TRADD: variants seen among roughly 807,000 people sequenced by gnomAD.
TRADD encodes the protein TNFRSF1A associated via death domain.
A neutral mutation model predicts 31.5 loss-of-function variants in TRADD; 14 were observed. The ratio of observed to expected loss-of-function variants is 0.44; its 90% CI spans 0.29 to 0.69. TRADD has a LOEUF of 0.69. Among genes scored for constraint, TRADD ranks in the 30% least tolerant of loss-of-function variants. The probability of loss-of-function intolerance (pLI) is 0.11; values close to 1 mark genes in which losing one functional copy is unlikely to be tolerated. For synonymous variants in TRADD, 220 were observed against 215.8 expected (o/e 1.02, Z -0.17); for missense variants, 388 against 435.7 (o/e 0.89, Z 0.97).
Position 67,155,608 on chromosome 16 carries a change from G to C in TRADD, c.198C>G (p.Arg66=). Residue 66 remains arginine (R), a synonymous_variant, in exon 3 of 5, where the codon CGC becomes CGG. Transcript: ENST00000345057. ...PDVLQMLKIH[R]SDPQLIVQLR... is the part of the protein sequence containing the mutation. ...GCTGCACGATCAGCTGCGGGTCGCT[G>C]CGGTGGATCTTCAGCATCTGCAGCA... is the stretch of plus-strand genomic sequence containing the variant. 2.6e-6 allele frequency: 4 copies of C among 1,556,336 alleles called. No homozygotes were observed. Among genetic ancestry groups the C allele is most frequent in the Non-Finnish European group, 3.5e-6 (4 of 1,157,988 alleles).
intron 1 of TRADD, among the ~76,000 whole-genome samples, chr16:67,158,913 G>A (rs1271397493): frequency 6.6e-6 from 1 of 152,148 alleles, no homozygotes; most frequent in Non-Finnish European, 1.5e-5. Context: ...CCCACCCCAA[G>A]GGGTGGAAGT....
Position 67,154,855 on chromosome 16 carries a change from G to A in TRADD, c.733C>T (p.Arg245Trp), listed in dbSNP as rs1397999382. ...GCCAGCGAGTCCAGCGCCGGGTCCC[G>A]CAGCGCCCGGCAGCCTCGCTGCAGT... ...RSLQRGCRAL[R>W]DPALDSLAYE... The change falls in exon 5 of 5, where the codon CGG becomes TGG. Residue 245 changes from arginine to tryptophan, a missense_variant. Coordinates refer to ENST00000345057, the MANE Select transcript of TRADD (RefSeq NM_003789.4). The surrounding 1 kb of genome is among the most constrained non-coding windows in gnomAD (Gnocchi z 5.2). 1 of 1,594,442 alleles carries A rather than the reference G, an allele frequency of 6.3e-7. No homozygotes were observed.
Position 67,155,087 on chromosome 16 carries a change from G to A in TRADD, c.628+9C>T. On this transcript the variant is annotated intron_variant, in intron 4 of 4. Coordinates refer to ENST00000345057, the MANE Select transcript of TRADD (RefSeq NM_003789.4). Reference sequence around the variant, plus strand: ...TCCTGGTGACCCCGCCTCTCCACCTGCGCCTCACCTACAGGCTGACCCTGG... The same window carrying A: ...TCCTGGTGACCCCGCCTCTCCACCTACGCCTCACCTACAGGCTGACCCTGG... 1 of 1,523,442 alleles carries A rather than the reference G, an allele frequency of 6.6e-7. No homozygotes were observed. The highest frequency in any genetic ancestry group is 8.8e-7 in the Non-Finnish European group (1 of 1,135,494). 94.4% of individuals were successfully genotyped at this position (1,523,442 alleles called of 1,614,324 possible).
rs374881850 is a variant in TRADD, at chr16:67,155,479, C to T, written c.327G>A (p.Gln109=). Residue 109 remains glutamine (Q), a synonymous_variant, in exon 3 of 5, where the codon CAG becomes CAA. Transcript: ENST00000345057. ...LQRSLAAALA[Q]HSVPLQLELR... ...GCTCCAGTTGCAGCGGCACCGAGTG[C>T]TGGGCGAGCGCGGCCGCCAGGCTCC... is the stretch of plus-strand genomic sequence containing the variant. The T allele has an allele frequency of 1.1e-4, 167 of 1,576,924 alleles. No homozygotes were observed. The highest frequency in any genetic ancestry group is 3.4e-4 in the Middle Eastern group (2 of 5,940).
In TRADD at chr16:67,154,211, C is replaced by T. The variant is rs2145906544; in HGVS notation, c.*438G>A. ...TTCTCACATCAAAATCCGTGTTATA[C>T]TTTATTATCATTGCTTAACATTCGG... On this transcript the variant is annotated 3_prime_UTR_variant, in exon 5 of 5. Transcript: ENST00000345057. This position sits in a 1 kb window ranked among gnomAD's most constrained non-coding sequence, Gnocchi z 5.2. 4.1e-6 allele frequency: 1 copy of T among 246,700 alleles called. No individual in the cohort carries two copies. Among genetic ancestry groups the T allele is most frequent in the African/African-American group, 2.3e-5 (1 of 44,320 alleles). The allele number at this position is 246,700 out of a possible 1,614,324, so 15.3% of individuals were successfully genotyped here. A position where few individuals can be genotyped will look rare whatever the true frequency, so the allele number is the denominator to read the frequency against.
Position 67,155,227 on chromosome 16 carries a change from G to A in TRADD, c.497C>T (p.Ser166Leu), listed in dbSNP as rs772734506. The A allele has an allele frequency of 3.6e-5, 57 of 1,602,562 alleles. No homozygotes were observed. Among genetic ancestry groups the A allele is most frequent in the Non-Finnish European group, 4.6e-5 (54 of 1,175,866 alleles). The change falls in exon 4 of 5, where the codon TCG (serine) becomes TTG (leucine). Residue 166 changes from serine (S) to leucine (L), a missense_variant. Transcript: ENST00000345057. ...CTCCCCGTCGCCACCCCGGGCCCCC[G>A]AGCCGCACTTCAGATTTCGCAGCGC... is the stretch of plus-strand genomic sequence containing the variant. ...EDALRNLKCG[S>L]GARGGDGEVA...
At position 67,156,726 on chromosome 16, in the gene TRADD, A is replaced by C; in HGVS notation, c.-8-58T>G. On this transcript the variant is annotated intron_variant, in intron 1 of 4. Transcript: ENST00000345057. The surrounding 1 kb of genome is among the most constrained non-coding windows in gnomAD (Gnocchi z 4.6). The stretch of plus-strand genomic sequence containing the variant: ...TCCCCCCTCCCTCCACCCTGGAGAC[A>C]ACTACCCAGCCCCACGTGGTTCAGC... 6.2e-7 allele frequency: 1 copy of C among 1,606,070 alleles called. No individual in the cohort carries two copies. Among genetic ancestry groups the C allele is most frequent in the Admixed American group, 1.7e-5 (1 of 60,006 alleles).
In TRADD at chr16:67,156,107, C is replaced by A. The variant is rs1348511511; in HGVS notation, c.151+403G>T. 7.4e-7 allele frequency: 1 copy of A among 1,350,414 alleles called. No individual in the cohort carries two copies. The highest frequency in any genetic ancestry group is 9.7e-7 in the Non-Finnish European group (1 of 1,029,896). The allele number at this position is 1,350,414 out of a possible 1,614,324, so 83.7% of individuals were successfully genotyped here. ...GCTCTGAGGCCACGAACAGATCCCC[C>A]AACCCGCTTCAGCCTCCTGTGGCCT... On this transcript the variant is annotated intron_variant, in intron 2 of 4. Coordinates refer to ENST00000345057, the MANE Select transcript of TRADD (RefSeq NM_003789.4). This position sits in a 1 kb window ranked among gnomAD's most constrained non-coding sequence, Gnocchi z 4.6.
At chr16:67,155,910 T>C (rs1409922931) in intron 2 of TRADD, 2 of 1,515,606 alleles carry the variant, frequency 1.3e-6, no homozygotes, top group African/African-American at 2.8e-5. Flanking sequence ...ACGCCCCAAA[T>C]GAGGGTTGGC....
Position 67,155,312 on chromosome 16 carries a change from G to A in TRADD, c.430-18C>T. Reference sequence around the variant, plus strand: ...CGGTCGGGCTAGGGGAATGGAACGTGCCGTCACGGGGGACTTAACCGCGGA... The same window carrying A: ...CGGTCGGGCTAGGGGAATGGAACGTACCGTCACGGGGGACTTAACCGCGGA... On this transcript the variant is annotated intron_variant, in intron 3 of 4. Transcript: ENST00000345057. 6.2e-7 allele frequency: 1 copy of A among 1,609,640 alleles called. No individual in the cohort carries two copies. The highest frequency in any genetic ancestry group is 1.1e-5 in the South Asian group (1 of 90,852).
intron 1 of TRADD, among the ~76,000 whole-genome samples, chr16:67,158,080 A>G (rs774039722): frequency 1.3e-5 from 2 of 152,208 alleles, no homozygotes; most frequent in Admixed American, 6.5e-5. Flanking sequence ...ATCTGTTTAC[A>G]TGAGGAACAG....
In TRADD at chr16:67,154,687, A is replaced by G. The variant is rs765753711; in HGVS notation, c.901T>C (p.Leu301=). 1 of 1,612,940 alleles carries G rather than the reference A, an allele frequency of 6.2e-7. No homozygotes were observed. Among genetic ancestry groups the G allele is most frequent in the Non-Finnish European group, 8.5e-7 (1 of 1,179,944 alleles). The change falls in exon 5 of 5, where the codon TTG becomes CTG. Residue 301 remains leucine, a synonymous_variant. Transcript: ENST00000345057. The surrounding 1 kb of genome is among the most constrained non-coding windows in gnomAD (Gnocchi z 5.2). The part of the protein sequence containing the change: ...ENELTSLAED[L]LGLTDPNGGL... ...CCATTGGGATCGGTCAGGCCCAGCAAGTCCTCTGCCAGGCTGGTGAGCTCG... is the reference window on the plus strand; with the variant it reads ...CCATTGGGATCGGTCAGGCCCAGCAGGTCCTCTGCCAGGCTGGTGAGCTCG...
At position 67,154,721 on chromosome 16, in the gene TRADD, G is replaced by A. The variant is rs749129069; in HGVS notation, c.867C>T (p.Leu289=). The A allele has an allele frequency of 1.9e-6, 3 of 1,612,444 alleles. No individual in the cohort carries two copies. The Admixed American group carries it at 5.0e-5, about 27-fold the overall frequency. Residue 289 remains leucine, a synonymous_variant, in exon 5 of 5, where the codon CTC becomes CTT. Coordinates refer to ENST00000345057, the MANE Select transcript of TRADD (RefSeq NM_003789.4). The surrounding 1 kb of genome is among the most constrained non-coding windows in gnomAD (Gnocchi z 5.2). ...RATLQRLVEA[L]EENELTSLAE... Reference sequence around the variant, plus strand: ...CCAGGCTGGTGAGCTCGTTCTCCTCGAGTGCCTCCACCAGGCGCTGCAGCG... The same window carrying A: ...CCAGGCTGGTGAGCTCGTTCTCCTCAAGTGCCTCCACCAGGCGCTGCAGCG...
At position 67,155,389 on chromosome 16, in the gene TRADD, G is replaced by A; in HGVS notation, c.417C>T (p.Ile139=). The change falls in exon 3 of 5, where the codon ATC becomes ATT. Residue 139 remains isoleucine, a synonymous_variant. Coordinates refer to ENST00000345057, the MANE Select transcript of TRADD (RefSeq NM_003789.4). ...LADEERCLSC[I]LAQQPDRLRD... ...AGCCCGGCCGCACCTGCTGGGCTAG[G>A]ATGCAACTCAAACAGCGCTCCTCGT... The A allele has an allele frequency of 6.3e-7, 1 of 1,599,836 alleles. No individual in the cohort carries two copies. Among genetic ancestry groups the A allele is most frequent in the Non-Finnish European group, 8.5e-7 (1 of 1,179,758 alleles).
chr16:67,154,977 A>T lies in TRADD; in HGVS notation c.629-18T>A. 2 of 1,605,794 alleles carry T rather than the reference A, an allele frequency of 1.2e-6. No individual in the cohort carries two copies. Among genetic ancestry groups the T allele is most frequent in the Non-Finnish European group, 1.7e-6 (2 of 1,176,950 alleles). ...CCGATTCACTGCAGAGGGAGTGGGG[A>T]AACGGGGTGAGGGCGGGGACCCCCA... is the stretch of plus-strand genomic sequence containing the variant. On this transcript the variant is annotated intron_variant, in intron 4 of 4. Coordinates refer to ENST00000345057, the MANE Select transcript of TRADD (RefSeq NM_003789.4). The surrounding 1 kb of genome is among the most constrained non-coding windows in gnomAD (Gnocchi z 5.2).
At position 67,156,274 on chromosome 16, in the gene TRADD, G is replaced by C. The variant is rs141511264; in HGVS notation, c.151+236C>G. 1 of 1,231,120 alleles carries C rather than the reference G, an allele frequency of 8.1e-7. No individual in the cohort carries two copies. The highest frequency in any genetic ancestry group is 1.5e-5 in the African/African-American group (1 of 66,630). The allele number at this position is 1,231,120 out of a possible 1,614,324, so 76.3% of individuals were successfully genotyped here. ...GGAGTGAGCCGGCTGGTGGAGGGGG[G>C]CGGGGATGGAGCAAAGGACGTTAGT... On this transcript the variant is annotated intron_variant, in intron 2 of 4. Transcript: ENST00000345057. This position sits in a 1 kb window ranked among gnomAD's most constrained non-coding sequence, Gnocchi z 4.6.
At position 67,156,385 on chromosome 16, in the gene TRADD, G is replaced by T; in HGVS notation, c.151+125C>A. On this transcript the variant is annotated intron_variant, in intron 2 of 4. Coordinates refer to ENST00000345057, the MANE Select transcript of TRADD (RefSeq NM_003789.4). The surrounding 1 kb of genome is among the most constrained non-coding windows in gnomAD (Gnocchi z 4.6). ...ACAAGCAAAGAAGAGAGTCTGCACA[G>T]CCAGGGGTCCTCCGTCTTGCTCCTC... is the stretch of plus-strand genomic sequence containing the variant. The T allele has an allele frequency of 6.9e-7, 1 of 1,439,652 alleles. No individual in the cohort carries two copies. The highest frequency in any genetic ancestry group is 9.5e-7 in the Non-Finnish European group (1 of 1,050,256). 89.2% of individuals were successfully genotyped at this position (1,439,652 alleles called of 1,614,324 possible). A position where few individuals can be genotyped will look rare whatever the true frequency, so the allele number is the denominator to read the frequency against.
At position 67,156,932 on chromosome 16, in the gene TRADD, G is replaced by C. The variant is rs946117854; in HGVS notation, c.-8-264C>G. Reference sequence around the variant, plus strand: ...TCCCTCCACTGCCTTCTTGGAGAAAGAGCCCAAGGTCACAGTGGAGGGGGA... The same window carrying C: ...TCCCTCCACTGCCTTCTTGGAGAAACAGCCCAAGGTCACAGTGGAGGGGGA... On this transcript the variant is annotated intron_variant, in intron 1 of 4. Coordinates refer to ENST00000345057, the MANE Select transcript of TRADD (RefSeq NM_003789.4). The surrounding 1 kb of genome is among the most constrained non-coding windows in gnomAD (Gnocchi z 4.6). 5.3e-5 allele frequency among the ~76,000 whole-genome samples: 8 copies of C among 152,212 alleles called. No homozygotes were observed. Among genetic ancestry groups the C allele is most frequent in the Non-Finnish European group, 7.3e-5 (5 of 68,036 alleles).
rs1011413999 is a variant in TRADD at position 67,159,055 on chromosome 16, C to G, written c.-9+783G>C. On this transcript the variant is annotated intron_variant, in intron 1 of 4. Transcript: ENST00000345057. This position sits in a 1 kb window ranked among gnomAD's most constrained non-coding sequence, Gnocchi z 6.8. ...GTACTAGAAGATGGGGAAGGTGAAC[C>G]AGGCTGGAGGTCGAGTTAACAGGGT... 2.0e-5 allele frequency among the ~76,000 whole-genome samples: 3 copies of G among 152,210 alleles called. No individual in the cohort carries two copies. Among genetic ancestry groups the G allele is most frequent in the African/African-American group, 7.2e-5 (3 of 41,448 alleles).
Sources: gnomAD v4.1 joint callset for allele counts (sites outside exome capture counted in the v4.1 genomes callset) on GRCh38, gnomAD v4.1.1 for gene constraint, Gnocchi (gnomAD v3.1) non-coding constraint, MANE v1.5 for transcripts, NCBI Gene and HGNC (gene_info 2026-07-23, HGNC 2026-07-21) for gene names.